Variants in PPCDC observed in about 807,000 individuals in gnomAD.
The protein encoded by PPCDC is phosphopantothenoylcysteine decarboxylase.
Under a neutral mutation model 20.7 loss-of-function variants are expected in PPCDC, and 20 were observed. That is an observed-to-expected ratio of 0.97 (90% confidence interval 0.68 to 1.41). PPCDC has a LOEUF of 1.41. Ranked by LOEUF, PPCDC falls within the 40% of genes most tolerant of loss-of-function variation. The probability of loss-of-function intolerance (pLI) is 0.00; values close to 1 mark genes in which losing one functional copy is unlikely to be tolerated. For missense variants in PPCDC, 246 were observed against 263.8 expected (o/e 0.93, Z 0.47); for synonymous variants, 88 against 100.3 (o/e 0.88, Z 0.73).
intron 1 of PPCDC, among the ~76,000 whole-genome samples, chr15:75,024,107 T>C (rs2065934942): frequency 2.6e-5 from 4 of 152,196 alleles, no homozygotes; most frequent in Admixed American, 2.6e-4. Context: ...ATTTAAAAAT[T>C]AGGCCAAATC....
rs2066292972 is a variant in PPCDC, at chr15:75,049,895, A to T, written c.*660A>T. On this transcript the variant is annotated 3_prime_UTR_variant, in exon 6 of 6. Coordinates refer to ENST00000342932, the MANE Select transcript of PPCDC (RefSeq NM_021823.5). ...GTTAAGGATAAAGATCTGAAGCCAG[A>T]CAGCCCCTAGTTCCAATCCCAGCTC... 1 of 152,252 alleles carries T rather than the reference A, an allele frequency of 6.6e-6. No individual in the cohort carries two copies. Among genetic ancestry groups the T allele is most frequent in the South Asian group, 2.1e-4 (1 of 4,834 alleles). 9.4% of individuals were successfully genotyped at this position (152,252 alleles called of 1,614,324 possible). A position where few individuals can be genotyped will look rare whatever the true frequency, so the allele number is the denominator to read the frequency against.
In PPCDC at chr15:75,044,390, G is replaced by C. The variant is rs1567062767; in HGVS notation, c.236G>C (p.Trp79Ser). The change falls in exon 4 of 6, where the codon TGG becomes TCG. Residue 79 changes from tryptophan to serine, a missense_variant. Around this residue, in one of 2 missense-constraint regions of PPCDC, gnomAD observed 225 missense variants for 222.6 expected, o/e 1.01. Transcript: ENST00000342932. ...LYSDADEWEI[W>S]KSRSDPVLHI... ...CCTTTTTCTTCCCTCTGCCAGATAT[G>C]GAAGAGCCGCTCTGACCCAGTTCTG... The C allele has an allele frequency of 1.9e-6, 3 of 1,613,832 alleles. No individual in the cohort carries two copies. Among genetic ancestry groups the C allele is most frequent in the Non-Finnish European group, 2.5e-6 (3 of 1,179,938 alleles).
In PPCDC at chr15:75,036,666, C is replaced by G. The variant is rs1043354585; in HGVS notation, c.136-6775C>G. On this transcript the variant is annotated intron_variant, in intron 2 of 5. Transcript: ENST00000342932. ...CAGGGTGAGAGGCTTAACAGGACCC[C>G]GGGTGGAGCTCCCCAGGGGACAGTG... is the stretch of plus-strand genomic sequence containing the variant. Among the ~76,000 whole-genome samples the G allele has an allele frequency of 9.9e-5, 15 of 152,144 alleles. 1 individual carries two copies. In the South Asian group the frequency reaches 2.1e-3, roughly 21 times the overall value.
intron 1 of PPCDC, among the ~76,000 whole-genome samples, chr15:75,024,540 A>G (rs147928323): frequency 7.9e-5 from 12 of 152,148 alleles, no homozygotes; most frequent in Non-Finnish European, 1.8e-4. Context: ...ATTTTTGTAG[A>G]GACAGGGTCT....
At chr15:75,030,567 T>A (rs1292873681) in intron 2 of PPCDC, among the ~76,000 whole-genome samples, 1 of 152,168 alleles carries the variant, frequency 6.6e-6, no homozygotes, top group African/African-American at 2.4e-5. Flanking sequence ...GATTGCCTTG[T>A]GTTGGCCCCA....
At position 75,028,169 on chromosome 15, in the gene PPCDC, C is replaced by G. The variant is rs1048990400; in HGVS notation, c.-72-78C>G. 6 of 1,070,564 alleles carry G rather than the reference C, an allele frequency of 5.6e-6. No homozygotes were observed. The East Asian group carries it at 1.3e-4, about 23-fold the overall frequency. 66.3% of individuals were successfully genotyped at this position (1,070,564 alleles called of 1,614,324 possible). ...CCCTTCCGCTGCCTCAGCCTCTGGC[C>G]TGGGGCCTAATACGTGGTGCTCCAT... On this transcript the variant is annotated intron_variant, in intron 1 of 5. Transcript: ENST00000342932.
In PPCDC at chr15:75,038,757, ATTTTCTCCTAT is replaced by A. The variant is rs2066115181; in HGVS notation, c.136-4677_136-4667del. Among the ~76,000 whole-genome samples, 3 of 150,836 alleles carry A rather than the reference ATTTTCTCCTAT, an allele frequency of 2.0e-5. No individual in the cohort carries two copies. In the South Asian group the frequency reaches 6.3e-4, roughly 32 times the overall value. On this transcript the variant is annotated intron_variant, in intron 2 of 5. Transcript: ENST00000342932. The stretch of plus-strand genomic sequence containing the variant: ...AATTTAATTTAATTTTTTTTTTGTA[ATTTTCTCCTAT>A]TTTTCTGTTCTCTCTGGAACTCTTT...
At chr15:75,026,257 T>A (rs1455600047) in intron 1 of PPCDC, among the ~76,000 whole-genome samples, 1 of 152,144 alleles carries the variant, frequency 6.6e-6, no homozygotes, top group Non-Finnish European at 1.5e-5. Flanking sequence ...GCAGGTAGGT[T>A]TCCCTGGAGA....
At chr15:75,031,766 C>T (rs572995100) in intron 2 of PPCDC, among the ~76,000 whole-genome samples, 54 of 152,224 alleles carry the variant, frequency 3.5e-4, no homozygotes, top group African/African-American at 1.3e-3. Context: ...CATATCTGCA[C>T]ATGGGTGTAC....
chr15:75,046,672 G>A (rs2066238621), intron 4 of PPCDC, among the ~76,000 whole-genome samples: 1 of 152,246 alleles, frequency 6.6e-6, no homozygotes, highest in Admixed American at 6.5e-5. Context: ...GCCTGTGGCT[G>A]TGTCCTCTCT....
At chr15:75,035,838 A>C (rs1045804281) in intron 2 of PPCDC, among the ~76,000 whole-genome samples, 2 of 152,020 alleles carry the variant, frequency 1.3e-5, no homozygotes, top group Non-Finnish European at 2.9e-5. Context: ...GTGGTGGCGC[A>C]CAACTGTAAT....
intron 1 of PPCDC, among the ~76,000 whole-genome samples, chr15:75,023,961 G>A (rs568811363): frequency 6.6e-6 from 1 of 152,206 alleles, no homozygotes; most frequent in Admixed American, 6.5e-5. Context: ...AATGATGGCC[G>A]TGTCAGCTCC....
rs1567070657 is a variant in PPCDC, at chr15:75,049,232, T to A, written c.612T>A (p.Ser204Arg). ...VLFQHSGFQQS is the reference protein window; with the variant it reads ...VLFQHSGFQQR ...TCCAGCACAGTGGCTTCCAGCAGAG[T>A]TGACCTGGGATTTCTGTCATGGGTG... Residue 204 changes from serine (S) to arginine (R), a missense_variant, in exon 6 of 6, where the codon AGT becomes AGA. Coordinates refer to ENST00000342932, the MANE Select transcript of PPCDC (RefSeq NM_021823.5). The A allele has an allele frequency of 6.2e-7, 1 of 1,613,542 alleles. No individual in the cohort carries two copies. The highest frequency in any genetic ancestry group is 8.5e-7 in the Non-Finnish European group (1 of 1,179,704).
chr15:75,028,218 G>A lies in PPCDC; in HGVS notation c.-72-29G>A, dbSNP rs2065979609. On this transcript the variant is annotated intron_variant, in intron 1 of 5. Transcript: ENST00000342932. ...ATACATTCTGGTCGACTGTATGAAT[G>A]AAGGGGGTGGCCCTTGTTCTCCTTT... 14 of 1,471,158 alleles carry A rather than the reference G, an allele frequency of 9.5e-6. No homozygotes were observed. In the South Asian group the frequency reaches 1.6e-4, roughly 17 times the overall value. The allele number at this position is 1,471,158 out of a possible 1,614,324, so 91.1% of individuals were successfully genotyped here. A position where few individuals can be genotyped will look rare whatever the true frequency, so the allele number is the denominator to read the frequency against.
At chr15:75,037,377 T>G (rs1035265554) in intron 2 of PPCDC, among the ~76,000 whole-genome samples, 12 of 152,108 alleles carry the variant, frequency 7.9e-5, no homozygotes, top group Non-Finnish European at 1.2e-4. Flanking sequence ...AGAGGGCTGT[T>G]TTATGTATTT....
At chr15:75,040,944 A>C (rs2066145649) in intron 2 of PPCDC, among the ~76,000 whole-genome samples, 1 of 152,232 alleles carries the variant, frequency 6.6e-6, no homozygotes, top group African/African-American at 2.4e-5. Context: ...GATTACAGGC[A>C]TGAGCGTAAT....
chr15:75,041,279 C>T (rs1370181832), intron 2 of PPCDC, among the ~76,000 whole-genome samples: 2 of 152,144 alleles, frequency 1.3e-5, no homozygotes, highest in African/African-American at 4.8e-5. Context: ...CAGAACTGGG[C>T]AAGGCTTATT....
rs181603213 is a variant in PPCDC, at chr15:75,028,372, C to A, written c.54C>A (p.Phe18Leu). Residue 18 changes from phenylalanine to leucine, a missense_variant, in exon 2 of 6, where the codon TTC becomes TTA. By Grantham distance (22) the Phe-to-Leu change is conservative. Around this residue, in one of 2 missense-constraint regions of PPCDC, gnomAD observed 225 missense variants for 222.6 expected, o/e 1.01. Coordinates refer to ENST00000342932, the MANE Select transcript of PPCDC (RefSeq NM_021823.5). ...CTGCACCCTTGATGGAGAGAAAATTCCATGTTCTTGTGGGTGTCACGGGGA... is the reference window on the plus strand; with the variant it reads ...CTGCACCCTTGATGGAGAGAAAATTACATGTTCTTGTGGGTGTCACGGGGA... ...PAAAPLMERK[F>L]HVLVGVTGSV... 2 of 1,614,168 alleles carry A rather than the reference C, an allele frequency of 1.2e-6. No individual in the cohort carries two copies. Among genetic ancestry groups the A allele is most frequent in the African/African-American group, 2.7e-5 (2 of 75,012 alleles).
chr15:75,048,672 C>T lies in PPCDC; in HGVS notation c.480C>T (p.Gly160=), dbSNP rs1162563097. The change falls in exon 5 of 6, where the codon GGC becomes GGT. Residue 160 remains glycine, a synonymous_variant. Coordinates refer to ENST00000342932, the MANE Select transcript of PPCDC (RefSeq NM_021823.5). Reference sequence around the variant, plus strand: ...AGGTAGACCAGCTCAAGGCCTTTGGCTATGTCGAGATCCCCTGTGTGGCCA... The same window carrying T: ...AGGTAGACCAGCTCAAGGCCTTTGGTTATGTCGAGATCCCCTGTGTGGCCA... ...AQQVDQLKAF[G]YVEIPCVAKK... The T allele has an allele frequency of 6.2e-7, 1 of 1,614,090 alleles. No homozygotes were observed. The highest frequency in any genetic ancestry group is 8.5e-7 in the Non-Finnish European group (1 of 1,180,036).
Sources: allele counts gnomAD v4.1 joint callset (sites outside exome capture counted in the v4.1 genomes callset), GRCh38; gene constraint gnomAD v4.1.1; regional missense constraint gnomAD v4.1.1; transcripts MANE v1.5; gene names NCBI Gene and HGNC (gene_info 2026-07-23, HGNC 2026-07-21).